The following ATG9A variants were observed in gnomAD, a reference collection of about 807,000 sequenced individuals.
ATG9A encodes autophagy related 9A, also known as autophagy-related protein 9A.
In ATG9A, 21 loss-of-function variants were observed where a neutral mutation model predicts 87.1. The ratio of observed to expected loss-of-function variants is 0.24; its 90% CI spans 0.17 to 0.35. ATG9A has a LOEUF of 0.35. Ranked by LOEUF, ATG9A falls within the 10% of genes least tolerant of loss-of-function variation. ATG9A has a pLI of 1.00. For missense variants in ATG9A, 836 were observed against 1,107.3 expected, an observed-to-expected ratio of 0.76 and a Z score of 3.48; for synonymous variants, 422 against 441.3, an observed-to-expected ratio of 0.96 and a Z score of 0.55.
Position 219,229,585 on chromosome 2 carries a change from G to A in ATG9A, c.-132C>T, listed in dbSNP as rs114196239. The A allele has an allele frequency of 0.094, 14,375 of 152,462 alleles. 816 individuals are homozygous for A. Among genetic ancestry groups the A allele is most frequent in the South Asian group, 0.19 (908 of 4,838 alleles). 9.4% of individuals were successfully genotyped at this position (152,462 alleles called of 1,614,324 possible). On this transcript the variant is annotated 5_prime_UTR_variant, in exon 1 of 16. Transcript: ENST00000361242. This position sits in a 1 kb window ranked among gnomAD's most constrained non-coding sequence, Gnocchi z 4.2. ...CCAGAGGCTCCGCCGGCTCCGCTCG[G>A]CTCGGCTCGGCTCGGCGCGACCCGC...
At position 219,223,278 on chromosome 2, in the gene ATG9A, A is replaced by C. The variant is rs1950800358; in HGVS notation, c.1599+307T>G. Among the ~76,000 whole-genome samples, 1 of 151,938 alleles carries C rather than the reference A, an allele frequency of 6.6e-6. No homozygotes were observed. Among genetic ancestry groups the C allele is most frequent in the African/African-American group, 2.4e-5 (1 of 41,454 alleles). On this transcript the variant is annotated intron_variant, in intron 10 of 15. Transcript: ENST00000361242. The surrounding 1 kb of genome is among the most constrained non-coding windows in gnomAD (Gnocchi z 4.7). Reference sequence around the variant, plus strand: ...AATTTTTTTGTATTTTTAGTAGAGAAGGGGTTTCACCGTGTTAGCCAGGAT... The same window carrying C: ...AATTTTTTTGTATTTTTAGTAGAGACGGGGTTTCACCGTGTTAGCCAGGAT...
chr2:219,221,026 G>T, intron 14 of ATG9A, 54 bp downstream of exon 14: 1 of 1,601,514 alleles, frequency 6.2e-7, no homozygotes, highest in Non-Finnish European at 8.5e-7. Flanking sequence ...AGAGGCCCTG[G>T]AAGAACCACC....
rs1021208070 is a variant in ATG9A at position 219,224,912 on chromosome 2, C to A, written c.517-58G>T. On this transcript the variant is annotated intron_variant, in intron 7 of 15. Coordinates refer to ENST00000361242, the MANE Select transcript of ATG9A (RefSeq NM_001077198.3). The surrounding 1 kb of genome is among the most constrained non-coding windows in gnomAD (Gnocchi z 7.7). The stretch of plus-strand genomic sequence containing the variant: ...GGAAGGTGGGGTTGTTGCCTCGACC[C>A]CTTTGCCCTATATTAGAAGTGAGAT... 1 of 1,593,512 alleles carries A rather than the reference C, an allele frequency of 6.3e-7. No homozygotes were observed. The highest frequency in any genetic ancestry group is 8.6e-7 in the Non-Finnish European group (1 of 1,167,452).
chr2:219,220,306 C>G lies in ATG9A; in HGVS notation c.*141G>C. The G allele has an allele frequency of 8.5e-7, 1 of 1,182,236 alleles. No homozygotes were observed. The highest frequency in any genetic ancestry group is 1.2e-6 in the Non-Finnish European group (1 of 833,606). The allele number at this position is 1,182,236 out of a possible 1,614,324, so 73.2% of individuals were successfully genotyped here. ...TGTGGCAAGCCCAGTGTTGGCACCT[C>G]CCTTGGCCAGGCACAGACACACAAA... On this transcript the variant is annotated 3_prime_UTR_variant, in exon 16 of 16. Coordinates refer to ENST00000361242, the MANE Select transcript of ATG9A (RefSeq NM_001077198.3).
chr2:219,222,366 T>G lies in ATG9A; in HGVS notation c.1933A>C (p.Arg645=), dbSNP rs146429396. 26,413 of 1,611,924 alleles carry G rather than the reference T, an allele frequency of 0.016. 266 individuals carry two copies. The highest frequency in any genetic ancestry group is 0.02 in the Non-Finnish European group (23,550 of 1,179,356). Residue 645 remains arginine (R), a synonymous_variant, in exon 12 of 16, where the codon AGG becomes CGG. Coordinates refer to ENST00000361242, the MANE Select transcript of ATG9A (RefSeq NM_001077198.3). This position sits in a 1 kb window ranked among gnomAD's most constrained non-coding sequence, Gnocchi z 4.3. ...CGCAGGGCAGAGGCGACTTCAGCCCTGTGCCTGGAGCCCTGCAGGTCTCTG... is the reference window on the plus strand; with the variant it reads ...CGCAGGGCAGAGGCGACTTCAGCCCGGTGCCTGGAGCCCTGCAGGTCTCTG... ...LPRDLQGSRH[R]AEVASALRSF... is the part of the protein sequence containing the mutation.
chr2:219,227,015 C>A, intron 4 of ATG9A, 82 bp from the exon 5 acceptor site: 10 of 1,186,894 alleles, frequency 8.4e-6, no homozygotes, highest in Non-Finnish European at 1.1e-5. Context: ...AAGCTTAAGT[C>A]CTGGCTCTGT....
intron 5 of ATG9A, 67 bp downstream of exon 5, chr2:219,226,802 G>A: frequency 6.9e-7 from 1 of 1,458,298 alleles, no homozygotes; most frequent in Non-Finnish European, 9.6e-7. Context: ...GGCCAAGTGT[G>A]AGTGCAAGGA....
intron 13 of ATG9A, among the ~76,000 whole-genome samples, chr2:219,221,781 C>G (rs1160827631): frequency 6.6e-6 from 1 of 152,068 alleles, no homozygotes; most frequent in Non-Finnish European, 1.5e-5. Context: ...TGAGAGTGAT[C>G]AGAGAAAGTC....
intron 15 of ATG9A, 65 bp from the exon 16 acceptor site, chr2:219,220,517 A>G: frequency 1.9e-6 from 3 of 1,600,006 alleles, no homozygotes; most frequent in South Asian, 2.2e-5. Context: ...TGCTAGCCCC[A>G]TAGAAACCTA....
At position 219,222,345 on chromosome 2, in the gene ATG9A, G is replaced by T; in HGVS notation, c.1954C>A (p.Leu652Met). The T allele has an allele frequency of 6.2e-7, 1 of 1,613,216 alleles. No individual in the cohort carries two copies. Among genetic ancestry groups the T allele is most frequent in the Non-Finnish European group, 8.5e-7 (1 of 1,179,958 alleles). Reference protein sequence around the residue: ...SRHRAEVASALRSFSPLQPGQ... With the variant: ...SRHRAEVASAMRSFSPLQPGQ... ...GGTTGCAGCGGGGAGAAGGAGCGCA[G>T]GGCAGAGGCGACTTCAGCCCTGTGC... The change falls in exon 12 of 16, where the codon CTG becomes ATG. Residue 652 changes from leucine to methionine, a missense_variant. Leu to Met is a conservative substitution (Grantham distance 15, BLOSUM62 2). Coordinates refer to ENST00000361242, the MANE Select transcript of ATG9A (RefSeq NM_001077198.3). The surrounding 1 kb of genome is among the most constrained non-coding windows in gnomAD (Gnocchi z 4.3).
chr2:219,224,675 G>A lies in ATG9A; in HGVS notation c.696C>T (p.Phe232=), dbSNP rs753818748. 1.9e-6 allele frequency: 3 copies of A among 1,614,250 alleles called. No individual in the cohort carries two copies. Among genetic ancestry groups the A allele is most frequent in the Non-Finnish European group, 2.5e-6 (3 of 1,180,038 alleles). Reference sequence around the variant, plus strand: ...CAGCTTCCCCGAGGCCAGGCAGGCGGAAGCGCAGAGGCAGGAGGGATTTGT... The same window carrying A: ...CAGCTTCCCCGAGGCCAGGCAGGCGAAAGCGCAGAGGCAGGAGGGATTTGT... The part of the protein sequence containing the change: ...LVNKSLLPLR[F]RLPGLGEAVF... Residue 232 remains phenylalanine (F), a synonymous_variant, in exon 8 of 16, where the codon TTC becomes TTT. Transcript: ENST00000361242. The surrounding 1 kb of genome is among the most constrained non-coding windows in gnomAD (Gnocchi z 7.7).
Position 219,224,074 on chromosome 2 carries a change from C to G in ATG9A, c.1265+32G>C. On this transcript the variant is annotated intron_variant, in intron 8 of 15. Transcript: ENST00000361242. The surrounding 1 kb of genome is among the most constrained non-coding windows in gnomAD (Gnocchi z 7.7). Reference sequence around the variant, plus strand: ...TGTATGCCTTTCCCAGGAATGCTAGCCGGCTTGCTCCCGCCTGTGGCCCTG... The same window carrying G: ...TGTATGCCTTTCCCAGGAATGCTAGGCGGCTTGCTCCCGCCTGTGGCCCTG... 6.2e-7 allele frequency: 1 copy of G among 1,606,932 alleles called. No individual in the cohort carries two copies.
Position 219,223,980 on chromosome 2 carries a change from C to T in ATG9A, c.1308G>A (p.Gln436=), listed in dbSNP as rs186498321. 141 of 1,613,738 alleles carry T rather than the reference C, an allele frequency of 8.7e-5. 1 individual carries two copies. Among genetic ancestry groups the T allele is most frequent in the Non-Finnish European group, 5.1e-6 (6 of 1,179,756 alleles). Residue 436 remains glutamine, a synonymous_variant, in exon 9 of 16, where the codon CAG becomes CAA. Transcript: ENST00000361242. The surrounding 1 kb of genome is among the most constrained non-coding windows in gnomAD (Gnocchi z 4.7). ...TGTGAGCGAGGATCACGCGGAGCAGCTGCTCAGGGCAGAACACCATGTGCT... is the reference window on the plus strand; with the variant it reads ...TGTGAGCGAGGATCACGCGGAGCAGTTGCTCAGGGCAGAACACCATGTGCT... ...PDQHMVFCPE[Q]LLRVILAHIH... is the part of the protein sequence containing the mutation.
At chr2:219,221,957 G>T in intron 13 of ATG9A, 93 bp downstream of exon 13, 1 of 1,108,864 alleles carries the variant, frequency 9.0e-7, no homozygotes, top group Non-Finnish European at 1.3e-6. Context: ...AGTGGAGGTG[G>T]CAGAACAAGT....
At position 219,222,374 on chromosome 2, in the gene ATG9A, G is replaced by A; in HGVS notation, c.1925C>T (p.Ser642Phe). 1.2e-6 allele frequency: 2 copies of A among 1,610,926 alleles called. No individual in the cohort carries two copies. The highest frequency in any genetic ancestry group is 8.5e-7 in the Non-Finnish European group (1 of 1,178,750). The change falls in exon 12 of 16, where the codon TCC becomes TTC. Residue 642 changes from serine to phenylalanine, a missense_variant. Coordinates refer to ENST00000361242, the MANE Select transcript of ATG9A (RefSeq NM_001077198.3). The surrounding 1 kb of genome is among the most constrained non-coding windows in gnomAD (Gnocchi z 4.3). ...GPPLPRDLQG[S>F]RHRAEVASAL... ...AGAGGCGACTTCAGCCCTGTGCCTG[G>A]AGCCCTGCAGGTCTCTGGGCAGTGG... is the stretch of plus-strand genomic sequence containing the variant.
At chr2:219,227,255 C>T (rs1950880703) in intron 4 of ATG9A, among the ~76,000 whole-genome samples, 1 of 152,196 alleles carries the variant, frequency 6.6e-6, no homozygotes, top group African/African-American at 2.4e-5. Flanking sequence ...TGGTGGCTCA[C>T]GCCTGTAATC....
At position 219,225,676 on chromosome 2, in the gene ATG9A, T is replaced by C. The variant is rs1950846660; in HGVS notation, c.213-104A>G. On this transcript the variant is annotated intron_variant, in intron 5 of 15. Coordinates refer to ENST00000361242, the MANE Select transcript of ATG9A (RefSeq NM_001077198.3). ...GAGGTGGCAGAACAAGACTGGGAAC[T>C]GGAAGGGCCTGGAGAACTCCCAGTG... is the stretch of plus-strand genomic sequence containing the variant. 7 of 1,286,136 alleles carry C rather than the reference T, an allele frequency of 5.4e-6. No individual in the cohort carries two copies. The South Asian group carries it at 8.5e-5, about 16-fold the overall frequency. 79.7% of individuals were successfully genotyped at this position (1,286,136 alleles called of 1,614,324 possible). A position where few individuals can be genotyped will look rare whatever the true frequency, so the allele number is the denominator to read the frequency against.
At chr2:219,228,617 C>A (rs1230466930) in intron 1 of ATG9A, 132 bp from the exon 2 acceptor site, 1 of 152,548 alleles carries the variant, frequency 6.6e-6, no homozygotes, top group Non-Finnish European at 1.5e-5. Flanking sequence ...GGAAGAAGCA[C>A]CCTTCCAGCC....
chr2:219,227,635 C>A, intron 4 of ATG9A, 135 bp downstream of exon 4: 1 of 1,020,888 alleles, frequency 9.8e-7, no homozygotes, highest in Non-Finnish European at 1.5e-6. Flanking sequence ...TTTCACCAGC[C>A]TCTTTCAGCC....
Sources: allele counts gnomAD v4.1 joint callset (sites outside exome capture counted in the v4.1 genomes callset), GRCh38; gene constraint gnomAD v4.1.1; non-coding constraint Gnocchi (gnomAD v3.1); transcripts MANE v1.5; gene names NCBI Gene and HGNC (gene_info 2026-07-23, HGNC 2026-07-21).